Variants in PARD3 observed in about 807,000 individuals in gnomAD.
The protein encoded by PARD3 is par-3 family cell polarity regulator, also known as partitioning defective 3 homolog.
A neutral mutation model predicts 155.4 loss-of-function variants in PARD3; 75 were observed. That is an observed-to-expected ratio of 0.48 (90% CI 0.40 to 0.58). The LOEUF is 0.58. PARD3 is among the 20% of genes least tolerant of loss of function. PARD3 has a pLI of 0.00. For missense variants in PARD3, 1,642 were observed against 1,721.7 expected, an observed-to-expected ratio of 0.95 and a Z score of 0.82; for synonymous variants, 576 against 610.5, an observed-to-expected ratio of 0.94 and a Z score of 0.83.
rs189678037 is a variant in PARD3, at chr10:34,215,645, A to G, written c.3419+54012T>C. On this transcript the variant is annotated intron_variant, in intron 22 of 24. Coordinates refer to ENST00000374788, the MANE Select transcript of PARD3 (RefSeq NM_001184785.2). Reference sequence around the variant, plus strand: ...AAAATGTCTTCTAGTTACACTCTTCAGAAGTACATAAACATAGGCTTAACT... The same window carrying G: ...AAAATGTCTTCTAGTTACACTCTTCGGAAGTACATAAACATAGGCTTAACT... 3.5e-3 allele frequency among the ~76,000 whole-genome samples: 531 copies of G among 152,366 alleles called. 1 individual carries two copies. Among genetic ancestry groups the G allele is most frequent in the Non-Finnish European group, 5.1e-3 (349 of 68,032 alleles).
At chr10:34,275,983 C>T (rs1955857539) in intron 21 of PARD3, among the ~76,000 whole-genome samples, 1 of 152,026 alleles carries the variant, frequency 6.6e-6, no homozygotes, top group Non-Finnish European at 1.5e-5. Context: ...AGTCCAAAAC[C>T]CAGCAAAAGA....
chr10:34,382,151 T>TA, intron 9 of PARD3, among the ~76,000 whole-genome samples: 1 of 152,074 alleles, frequency 6.6e-6, no homozygotes, highest in Non-Finnish European at 1.5e-5. Flanking sequence ...GGGCTGGACT[T>TA]ATACAGCAAA....
intron 22 of PARD3, among the ~76,000 whole-genome samples, chr10:34,172,410 C>A (rs1042705489): frequency 6.6e-6 from 1 of 152,140 alleles, no homozygotes; most frequent in Admixed American, 6.5e-5. Flanking sequence ...CCCACCTTCA[C>A]AATTTTATAA....
chr10:34,412,683 G>C (rs1214612411), intron 5 of PARD3, among the ~76,000 whole-genome samples: 1 of 152,040 alleles, frequency 6.6e-6, no homozygotes, highest in Non-Finnish European at 1.5e-5. Context: ...ACACAGTTTG[G>C]CCCAATTATG....
intron 14 of PARD3, among the ~76,000 whole-genome samples, chr10:34,358,000 ACT>A (rs1839067875): frequency 6.6e-6 from 1 of 152,048 alleles, no homozygotes; most frequent in East Asian, 1.9e-4. Context: ...ATTAAGAAAA[ACT>A]CTTAAACAAC....
intron 20 of PARD3, among the ~76,000 whole-genome samples, chr10:34,306,431 C>T (rs1160367888): frequency 2.0e-5 from 3 of 152,070 alleles, no homozygotes; most frequent in African/African-American, 7.2e-5. Context: ...GCAGGGGGAT[C>T]ACAAGGTCAG....
At chr10:34,574,040 T>A (rs2086689643) in intron 2 of PARD3, among the ~76,000 whole-genome samples, 1 of 152,232 alleles carries the variant, frequency 6.6e-6, no homozygotes, top group South Asian at 2.1e-4. Flanking sequence ...ATACAATACA[T>A]CCTATAATGT....
intron 23 of PARD3, among the ~76,000 whole-genome samples, chr10:34,128,165 C>T (rs774282588): frequency 3.7e-4 from 57 of 152,150 alleles, no homozygotes; most frequent in Non-Finnish European, 4.3e-4. Flanking sequence ...TCTTCCTCAC[C>T]TGAACTAAGT....
At chr10:34,685,115 T>C (rs2093932444) in intron 2 of PARD3, among the ~76,000 whole-genome samples, 1 of 152,186 alleles carries the variant, frequency 6.6e-6, no homozygotes, top group African/African-American at 2.4e-5. Context: ...ATATTGAAAC[T>C]AGGTTTTAAT....
chr10:34,420,877 T>C (rs957103746), intron 5 of PARD3, among the ~76,000 whole-genome samples: 3 of 152,214 alleles, frequency 2.0e-5, no homozygotes, highest in Admixed American at 2.0e-4. Context: ...CAATCTGTAA[T>C]TTTAAACTGC....
At chr10:34,383,014 A>G (rs1842009096) in intron 8 of PARD3, 92 bp from the exon 9 acceptor site, 3 of 1,367,414 alleles carry the variant, frequency 2.2e-6, no homozygotes, top group African/African-American at 1.5e-5. Context: ...TTAAGCAATA[A>G]GAACTGACAG....
At chr10:34,187,363 G>T (rs574616172) in intron 22 of PARD3, among the ~76,000 whole-genome samples, 1 of 152,126 alleles carries the variant, frequency 6.6e-6, no homozygotes, top group South Asian at 2.1e-4. Context: ...AAAGTCCCAG[G>T]CCAGAGCCCA....
chr10:34,574,178 C>T (rs565542980), intron 2 of PARD3, among the ~76,000 whole-genome samples: 5 of 151,424 alleles, frequency 3.3e-5, no homozygotes, highest in African/African-American at 1.2e-4. Context: ...TGTAGGATAC[C>T]AAAAGATTTA....
chr10:34,492,500 T>C (rs1027303361), intron 3 of PARD3, among the ~76,000 whole-genome samples: 2 of 152,240 alleles, frequency 1.3e-5, no homozygotes, highest in Admixed American at 1.3e-4. Flanking sequence ...CTGTTCTGTC[T>C]AGAAAGATTG....
chr10:34,509,170 GA>G (rs1374686579), intron 3 of PARD3, among the ~76,000 whole-genome samples: 1 of 151,850 alleles, frequency 6.6e-6, no homozygotes, highest in Non-Finnish European at 1.5e-5. Flanking sequence ...TCTGGGTGGG[GA>G]AAAAAACCCC....
chr10:34,733,025 T>A (rs1404122115), intron 1 of PARD3, among the ~76,000 whole-genome samples: 6 of 152,012 alleles, frequency 3.9e-5, no homozygotes, highest in Non-Finnish European at 8.8e-5. Context: ...CTCTTTGAAC[T>A]CCCTCTCTCT....
At chr10:34,345,742 C>G (rs1837348133) in intron 15 of PARD3, 1 of 985,264 alleles carries the variant, frequency 1.0e-6, no homozygotes, top group South Asian at 4.7e-5. Flanking sequence ...CCCCATACCT[C>G]TCCTAATGCC....
chr10:34,503,733 T>A (rs963153420), intron 3 of PARD3, among the ~76,000 whole-genome samples: 1 of 152,128 alleles, frequency 6.6e-6, no homozygotes, highest in Non-Finnish European at 1.5e-5. Flanking sequence ...GGCTGTTTAA[T>A]CCCTAGGGTA....
At chr10:34,194,879 ACATGTATT>A (rs1950873702) in intron 22 of PARD3, among the ~76,000 whole-genome samples, 1 of 152,214 alleles carries the variant, frequency 6.6e-6, no homozygotes, top group Non-Finnish European at 1.5e-5. Context: ...TGAGGTGATT[ACATGTATT>A]AGCAAAAGTA....
Sources: allele counts gnomAD v4.1 joint callset (sites outside exome capture counted in the v4.1 genomes callset), GRCh38; gene constraint gnomAD v4.1.1; transcripts MANE v1.5; gene names NCBI Gene and HGNC (gene_info 2026-07-23, HGNC 2026-07-21).